Variants in MSI2 observed in about 807,000 individuals in gnomAD.
MSI2 encodes the protein RNA-binding protein Musashi homolog 2.
MSI2 carries 17 observed loss-of-function variants against 45.6 expected under a neutral mutation model. The observed-to-expected ratio is 0.37, with a 90% CI of 0.26 to 0.56. MSI2 has a LOEUF of 0.56. MSI2 is among the 20% of genes least tolerant of loss of function. The probability of loss-of-function intolerance (pLI) is 0.77; values close to 1 mark genes in which losing one functional copy is unlikely to be tolerated. For missense variants in MSI2, 293 were observed against 444.2 expected (o/e 0.66, Z 3.06); for synonymous variants, 156 against 158.2 (o/e 0.99, Z 0.11).
At chr17:57,413,824 G>A (rs934872256) in intron 6 of MSI2, among the ~76,000 whole-genome samples, 5 of 152,054 alleles carry the variant, frequency 3.3e-5, no homozygotes, top group South Asian at 4.2e-4. Context: ...GAAAAGCTCC[G>A]CAATGTAGGA....
At chr17:57,695,101 CT>C in the MSI2 span, among the ~76,000 whole-genome samples, 930 of 152,262 alleles carry the variant, frequency 6.1e-3, 12 homozygotes, top group African/African-American at 0.021. Flanking sequence ...AGTTTACCTG[CT>C]TCACTTAACC....
chr17:57,382,701 G>A (rs539895378), intron 5 of MSI2, among the ~76,000 whole-genome samples: 13 of 152,290 alleles, frequency 8.5e-5, no homozygotes, highest in Non-Finnish European at 1.3e-4. Flanking sequence ...CCACCCACGA[G>A]GACAGTGGTC....
intron 6 of MSI2, among the ~76,000 whole-genome samples, chr17:57,440,435 TG>T (rs2084777858): frequency 6.7e-6 from 1 of 149,202 alleles, no homozygotes; most frequent in African/African-American, 2.5e-5. Context: ...TGTGTGTGTG[TG>T]TGTGTGTGTG....
At position 57,377,110 on chromosome 17, in the gene MSI2, C is replaced by T. The variant is rs150970561; in HGVS notation, c.313-24269C>T. On this transcript the variant is annotated intron_variant, in intron 5 of 13. Coordinates refer to ENST00000284073, the MANE Select transcript of MSI2 (RefSeq NM_138962.4). ...TAATTTTTTGTATTTTTAGTAGAGA[C>T]GAGGTTTCACTGTGTTTACCAGGAT... Among the ~76,000 whole-genome samples the T allele has an allele frequency of 9.3e-3, 1,409 of 152,160 alleles. 21 individuals carry two copies. Among genetic ancestry groups the T allele is most frequent in the African/African-American group, 0.032 (1,338 of 41,516 alleles).
chr17:57,400,612 G>A (rs2083971523), intron 5 of MSI2, among the ~76,000 whole-genome samples: 1 of 152,052 alleles, frequency 6.6e-6, no homozygotes, highest in Non-Finnish European at 1.5e-5. Context: ...ACACTGTTAG[G>A]GGGTTTCAGA....
chr17:57,562,971 G>A lies in MSI2; in HGVS notation c.454+33247G>A, dbSNP rs138060186. Among the ~76,000 whole-genome samples the A allele has an allele frequency of 6.0e-3, 914 of 152,042 alleles. 5 individuals are homozygous for A. Among genetic ancestry groups the A allele is most frequent in the African/African-American group, 0.021 (872 of 41,458 alleles). On this transcript the variant is annotated intron_variant, in intron 7 of 13. Coordinates refer to ENST00000284073, the MANE Select transcript of MSI2 (RefSeq NM_138962.4). The stretch of plus-strand genomic sequence containing the variant: ...AAGTTAGCCAGGTGTGGTGGCGCAT[G>A]CCTGTAATCCCAGCTACTCAGGAGG...
chr17:57,257,072 A>G, intron 1 of MSI2, 26 bp from the exon 2 acceptor site: 2 of 1,492,888 alleles, frequency 1.3e-6, no homozygotes. Flanking sequence ...ATCGGTGCTC[A>G]CTTCTGTTAT....
intron 5 of MSI2, chr17:57,279,829 A>G (rs1306188303): frequency 6.6e-6 from 1 of 151,920 alleles, no homozygotes; most frequent in Admixed American, 6.6e-5. Context: ...AATTTTTTGT[A>G]GAGGTGGGTA....
At chr17:57,554,742 A>C (rs1299359726) in intron 7 of MSI2, among the ~76,000 whole-genome samples, 1 of 152,214 alleles carries the variant, frequency 6.6e-6, no homozygotes, top group Admixed American at 6.5e-5. Context: ...TGATGAAGAA[A>C]CAGAAGGGTT....
At position 57,473,567 on chromosome 17, in the gene MSI2, A is replaced by G. The variant is rs560540411; in HGVS notation, c.406-56109A>G. On this transcript the variant is annotated intron_variant, in intron 6 of 13. Transcript: ENST00000284073. ...TATTAAAATATCTACCAAATTGGAC[A>G]GAGAAACTTGGCAGCCACAGCCTGA... Among the ~76,000 whole-genome samples, 27 of 152,308 alleles carry G rather than the reference A, an allele frequency of 1.8e-4. No homozygotes were observed. In the South Asian group the frequency reaches 4.1e-3, roughly 23 times the overall value.
chr17:57,471,764 C>T (rs2085442681), intron 6 of MSI2, among the ~76,000 whole-genome samples: 1 of 150,642 alleles, frequency 6.6e-6, no homozygotes, highest in African/African-American at 2.4e-5. Context: ...TTTTTGTTTT[C>T]CTCCTCCAGA....
At chr17:57,532,338 A>C (rs547430023) in intron 7 of MSI2, 7 of 152,350 alleles carry the variant, frequency 4.6e-5, no homozygotes, top group African/African-American at 1.7e-4. Context: ...AAGAGCCGCC[A>C]TCCCACTGCC....
At chr17:57,462,273 CTG>C (rs2085245858) in intron 6 of MSI2, among the ~76,000 whole-genome samples, 1 of 152,244 alleles carries the variant, frequency 6.6e-6, no homozygotes, top group Admixed American at 6.5e-5. Context: ...TTCTCTTGCT[CTG>C]TGTCTCTCTG....
rs77374446 is a variant in MSI2, at chr17:57,477,953, G to C, written c.406-51723G>C. Among the ~76,000 whole-genome samples, 642 of 152,326 alleles carry C rather than the reference G, an allele frequency of 4.2e-3. 7 individuals are homozygous for C. The highest frequency in any genetic ancestry group is 0.015 in the African/African-American group (619 of 41,560). On this transcript the variant is annotated intron_variant, in intron 6 of 13. Transcript: ENST00000284073. ...TTCTGCACCTCCAGGAGTGGAGAGA[G>C]AGCCACAGCTATTCTCTCTTCTCCC...
At chr17:57,432,975 C>T (rs770028311) in intron 6 of MSI2, among the ~76,000 whole-genome samples, 1 of 152,170 alleles carries the variant, frequency 6.6e-6, no homozygotes, top group African/African-American at 2.4e-5. Flanking sequence ...TTTCAGCAGA[C>T]GATCCTCTGT....
intron 5 of MSI2, among the ~76,000 whole-genome samples, chr17:57,385,072 CT>C: frequency 6.6e-6 from 1 of 152,186 alleles, no homozygotes; most frequent in South Asian, 2.1e-4. Context: ...ATGATCCTTG[CT>C]TTAGTTCAGG....
chr17:57,548,693 G>A (rs559108662), intron 7 of MSI2, among the ~76,000 whole-genome samples: 2 of 152,024 alleles, frequency 1.3e-5, no homozygotes, highest in African/African-American at 2.4e-5. Context: ...GGGAGCGGGT[G>A]GGGGTGGTGC....
intron 6 of MSI2, among the ~76,000 whole-genome samples, chr17:57,466,111 G>A (rs913669330): frequency 4.6e-5 from 7 of 152,276 alleles, no homozygotes; most frequent in African/African-American, 9.6e-5. Context: ...GTTGCTCACC[G>A]CAGCCTTCAG....
intron 5 of MSI2, among the ~76,000 whole-genome samples, chr17:57,298,424 A>T (rs555719485): frequency 1.8e-4 from 28 of 152,326 alleles, no homozygotes; most frequent in African/African-American, 6.5e-4. Flanking sequence ...ATGTGCTGTC[A>T]GCCAGGTGTG....
Sources: allele counts gnomAD v4.1 joint callset (sites outside exome capture counted in the v4.1 genomes callset), GRCh38; gene constraint gnomAD v4.1.1; transcripts MANE v1.5; gene names NCBI Gene and HGNC (gene_info 2026-07-23, HGNC 2026-07-21).